Variants in BCAS1 observed in about 807,000 individuals in gnomAD.
The protein encoded by BCAS1 is brain enriched myelin associated protein 1.
BCAS1 carries 46 observed loss-of-function variants against 65.4 expected under a neutral mutation model. The ratio of observed to expected loss-of-function variants is 0.70; its 90% confidence interval spans 0.55 to 0.90. The LOEUF is 0.90. Ranked by LOEUF, BCAS1 falls within the 40% of genes least tolerant of loss-of-function variation. BCAS1 has a pLI of 0.00. For synonymous variants in BCAS1, 298 were observed against 293.5 expected (o/e 1.02, Z -0.16); for missense variants, 793 against 771.2 (o/e 1.03, Z -0.33).
At position 54,025,719 on chromosome 20, in the gene BCAS1, G is replaced by T. The variant is rs538973871; in HGVS notation, c.723+2673C>A. On this transcript the variant is annotated intron_variant, in intron 4 of 12. Transcript: ENST00000688948. ...AGGCATAATTCACCCTAAGAATTCTGAATCAATACACTGACATCCAGCCAT... is the reference window on the plus strand; with the variant it reads ...AGGCATAATTCACCCTAAGAATTCTTAATCAATACACTGACATCCAGCCAT... Among the ~76,000 whole-genome samples, 6 of 152,166 alleles carry T rather than the reference G, an allele frequency of 3.9e-5. No homozygotes were observed. The South Asian group carries it at 1.2e-3, about 32-fold the overall frequency.
rs968295487 is a variant in BCAS1, at chr20:53,943,738, G to C, written c.*1184C>G. The C allele has an allele frequency of 1.3e-5, 2 of 152,094 alleles. No individual in the cohort carries two copies. The highest frequency in any genetic ancestry group is 1.9e-4 in the East Asian group (1 of 5,188). The allele number at this position is 152,094 out of a possible 1,614,324, so 9.4% of individuals were successfully genotyped here. The stretch of plus-strand genomic sequence containing the variant: ...TTTATTAACTGAGGTTATGGGGAGG[G>C]TTTTATCAGAGCACATCCTGAGAAC... On this transcript the variant is annotated 3_prime_UTR_variant, in exon 13 of 13. Transcript: ENST00000688948.
At chr20:54,026,630 T>G (rs991787393) in intron 4 of BCAS1, among the ~76,000 whole-genome samples, 2 of 152,198 alleles carry the variant, frequency 1.3e-5, no homozygotes, top group Non-Finnish European at 2.9e-5. Context: ...CACATGACTG[T>G]TAAAAAATCA....
At chr20:53,948,609 C>T (rs2089411328) in intron 12 of BCAS1, among the ~76,000 whole-genome samples, 1 of 152,166 alleles carries the variant, frequency 6.6e-6, no homozygotes, top group Admixed American at 6.5e-5. Context: ...ACTGGGACTC[C>T]ACCTTGGAGG....
At chr20:53,974,178 C>T (rs1281829254) in intron 9 of BCAS1, among the ~76,000 whole-genome samples, 1 of 152,190 alleles carries the variant, frequency 6.6e-6, no homozygotes, top group African/African-American at 2.4e-5. Flanking sequence ...AGGATGTGGG[C>T]GGGGTCAAAT....
rs550127681 is a variant in BCAS1, at chr20:54,022,164, G to A, written c.723+6228C>T. Among the ~76,000 whole-genome samples, 55 of 152,308 alleles carry A rather than the reference G, an allele frequency of 3.6e-4. No homozygotes were observed. In the South Asian group the frequency reaches 7.9e-3, roughly 22 times the overall value. On this transcript the variant is annotated intron_variant, in intron 4 of 12. Transcript: ENST00000688948. ...GAGGACACCAGTAGAGAAAGACTGA[G>A]GCGGGCTTGTGGGGGCTGTGAAGAT...
At chr20:53,984,138 A>G (rs1640864214) in intron 8 of BCAS1, among the ~76,000 whole-genome samples, 2 of 152,218 alleles carry the variant, frequency 1.3e-5, no homozygotes. Context: ...TTGAATATGC[A>G]TATGAATACA....
At chr20:54,024,314 C>T (rs1345655174) in intron 4 of BCAS1, among the ~76,000 whole-genome samples, 2 of 152,206 alleles carry the variant, frequency 1.3e-5, no homozygotes, top group South Asian at 2.1e-4. Flanking sequence ...ACAGGATGAA[C>T]TTGTCATTCA....
chr20:53,966,667 T>C (rs1425245809), intron 10 of BCAS1, among the ~76,000 whole-genome samples: 1 of 152,198 alleles, frequency 6.6e-6, no homozygotes, highest in Non-Finnish European at 1.5e-5. Context: ...CTTTTTTTGT[T>C]AAAAAGTGTT....
At position 54,028,412 on chromosome 20, in the gene BCAS1, C is replaced by T. The variant is rs771165559; in HGVS notation, c.703G>A (p.Asp235Asn). ...DEVPGLSGQSDDVPAGKDIVD... is the reference protein window; with the variant it reads ...DEVPGLSGQSNDVPAGKDIVD... Reference sequence around the variant, plus strand: ...CTTACCTTCCCTGCAGGGACATCATCGGACTGCCCTGATAAGCCAGGAACC... The same window carrying T: ...CTTACCTTCCCTGCAGGGACATCATTGGACTGCCCTGATAAGCCAGGAACC... Residue 235 changes from aspartate to asparagine, a missense_variant, in exon 4 of 13, where the codon GAT becomes AAT. Coordinates refer to ENST00000688948, the MANE Select transcript of BCAS1 (RefSeq NM_001366298.2). The T allele has an allele frequency of 3.7e-6, 6 of 1,614,102 alleles. No homozygotes were observed. The South Asian group carries it at 4.4e-5, about 12-fold the overall frequency.
chr20:54,024,675 G>C (rs551494950), intron 4 of BCAS1, among the ~76,000 whole-genome samples: 1 of 132,130 alleles, frequency 7.6e-6, no homozygotes, highest in East Asian at 2.2e-4. Flanking sequence ...TCCAGCAAAG[G>C]AGATGATGGA....
chr20:53,998,783 T>A (rs2090985286), intron 4 of BCAS1, among the ~76,000 whole-genome samples: 1 of 138,702 alleles, frequency 7.2e-6, no homozygotes, highest in South Asian at 2.4e-4. Context: ...AATATATTAT[T>A]ATTTATTATA....
chr20:53,945,193 G>A (rs2089272406), intron 12 of BCAS1, among the ~76,000 whole-genome samples, 197 bp from the exon 13 acceptor site: 1 of 152,190 alleles, frequency 6.6e-6, no homozygotes, highest in Non-Finnish European at 1.5e-5. Flanking sequence ...TTCTAGCTTT[G>A]TGAAATCTTG....
intron 8 of BCAS1, among the ~76,000 whole-genome samples, chr20:53,977,025 G>A (rs774364499): frequency 4.6e-5 from 7 of 152,186 alleles, no homozygotes; most frequent in Non-Finnish European, 1.0e-4. Context: ...CCACATGGCT[G>A]GGGAGGACTC....
At chr20:53,975,723 T>G (rs528597566) in intron 8 of BCAS1, among the ~76,000 whole-genome samples, 32 of 152,270 alleles carry the variant, frequency 2.1e-4, no homozygotes, top group African/African-American at 7.5e-4. Flanking sequence ...CTAACTGCTG[T>G]AGGTAAGCAA....
intron 9 of BCAS1, among the ~76,000 whole-genome samples, chr20:53,970,044 T>C (rs2090139871): frequency 6.6e-6 from 1 of 152,192 alleles, no homozygotes; most frequent in Non-Finnish European, 1.5e-5. Flanking sequence ...AGATAAGGAA[T>C]AGAGTTTGCG....
At chr20:54,053,199 C>A (rs2081318118) in intron 3 of BCAS1, among the ~76,000 whole-genome samples, 1 of 152,086 alleles carries the variant, frequency 6.6e-6, no homozygotes, top group South Asian at 2.1e-4. Flanking sequence ...ATAACATAAG[C>A]AAAAACTGAG....
chr20:54,058,883 T>G (rs2092340180), intron 1 of BCAS1, among the ~76,000 whole-genome samples, 160 bp from the exon 2 acceptor site: 1 of 152,200 alleles, frequency 6.6e-6, no homozygotes, highest in Non-Finnish European at 1.5e-5. Flanking sequence ...CACACTGCTA[T>G]GAAGAAATAC....
chr20:53,956,032 A>G (rs1285764430), intron 11 of BCAS1, among the ~76,000 whole-genome samples: 1 of 152,246 alleles, frequency 6.6e-6, no homozygotes, highest in Non-Finnish European at 1.5e-5. Context: ...ATTACCGTCC[A>G]TTTGTGAGTG....
intron 4 of BCAS1, among the ~76,000 whole-genome samples, chr20:54,015,238 G>C (rs1441934422): frequency 6.6e-6 from 1 of 151,820 alleles, no homozygotes; most frequent in Non-Finnish European, 1.5e-5. Context: ...CACCATGTTG[G>C]CCAGGCTGAT....
Sources: allele counts gnomAD v4.1 joint callset (sites outside exome capture counted in the v4.1 genomes callset), GRCh38; gene constraint gnomAD v4.1.1; transcripts MANE v1.5; gene names NCBI Gene and HGNC (gene_info 2026-07-23, HGNC 2026-07-21).